TMEM30A: variants seen among roughly 807,000 people sequenced by gnomAD.
The protein encoded by TMEM30A is cell cycle control protein 50A.
In TMEM30A, 24 loss-of-function variants were observed where a neutral mutation model predicts 38.2. The observed-to-expected ratio is 0.63, with a 90% CI of 0.46 to 0.88. The LOEUF (loss-of-function observed/expected upper bound fraction) is 0.88, where lower values mean the gene tolerates loss of function less well. TMEM30A is among the 40% of genes least tolerant of loss of function. TMEM30A has a pLI of 0.00. For missense variants in TMEM30A, 370 were observed against 458.6 expected, an observed-to-expected ratio of 0.81 and a Z score of 1.77; for synonymous variants, 145 against 161.6, an observed-to-expected ratio of 0.90 and a Z score of 0.78.
Position 75,265,351 on chromosome 6 carries a change from A to G in TMEM30A, c.346-13T>C, listed in dbSNP as rs1772051000. On this transcript the variant is annotated splice_polypyrimidine_tract_variant and intron_variant, in intron 2 of 6. Coordinates refer to ENST00000230461, the MANE Select transcript of TMEM30A (RefSeq NM_018247.4). The stretch of plus-strand genomic sequence containing the variant: ...TAAACACGTTGCCCTAGAGAAACAG[A>G]GAGGGAAAAAATTTTCATATAAAAA... The G allele has an allele frequency of 6.6e-7, 1 of 1,507,908 alleles. No individual in the cohort carries two copies. The highest frequency in any genetic ancestry group is 9.0e-7 in the Non-Finnish European group (1 of 1,107,138). The allele number at this position is 1,507,908 out of a possible 1,614,324, so 93.4% of individuals were successfully genotyped here.
chr6:75,276,279 G>A (rs1437877298), intron 1 of TMEM30A, among the ~76,000 whole-genome samples: 1 of 152,180 alleles, frequency 6.6e-6, no homozygotes, highest in East Asian at 1.9e-4. Flanking sequence ...GTGTTTACCT[G>A]AGTTCTATGA....
At chr6:75,265,144 A>AATTTC in intron 3 of TMEM30A, 87 bp downstream of exon 3, 5 of 835,004 alleles carry the variant, frequency 6.0e-6, no homozygotes, top group Middle Eastern at 3.7e-4. Flanking sequence ...ACAACACTTT[A>AATTTC]ATTTCATCCT....
At chr6:75,267,362 T>C (rs1343992261) in intron 2 of TMEM30A, among the ~76,000 whole-genome samples, 1 of 152,184 alleles carries the variant, frequency 6.6e-6, no homozygotes, top group African/African-American at 2.4e-5. Flanking sequence ...AAAAAATTGA[T>C]TCGTACAGTC....
In TMEM30A at chr6:75,260,886, T is replaced by A; in HGVS notation, c.479A>T (p.Tyr160Phe). The change falls in exon 4 of 7, where the codon TAT becomes TTT. Residue 160 changes from tyrosine to phenylalanine, a missense_variant. Coordinates refer to ENST00000230461, the MANE Select transcript of TMEM30A (RefSeq NM_018247.4). The part of the protein sequence containing the change: ...LLNPSKECEP[Y>F]RRNEDKPIAP... ...AATTGGTTTGTCTTCATTTCTTCGA[T>A]AAGGTTCACATTCCTTACTGGGATT... The A allele has an allele frequency of 6.2e-7, 1 of 1,603,262 alleles. No individual in the cohort carries two copies. Among genetic ancestry groups the A allele is most frequent in the Non-Finnish European group, 8.5e-7 (1 of 1,177,728 alleles).
chr6:75,277,334 GAAT>G, intron 1 of TMEM30A, among the ~76,000 whole-genome samples: 1 of 145,720 alleles, frequency 6.9e-6, no homozygotes, highest in East Asian at 2.0e-4. Flanking sequence ...AAAATGGAGA[GAAT>G]AATGTTACCC....
At chr6:75,260,172 G>A (rs910457936) in intron 4 of TMEM30A, among the ~76,000 whole-genome samples, 2 of 152,112 alleles carry the variant, frequency 1.3e-5, no homozygotes. Flanking sequence ...TTGGGAGGCC[G>A]AAGTGGGCGG....
intron 4 of TMEM30A, among the ~76,000 whole-genome samples, chr6:75,260,432 AAGAC>A (rs993457148): frequency 6.6e-6 from 1 of 152,084 alleles, no homozygotes; most frequent in African/African-American, 2.4e-5. Flanking sequence ...AAAAAAAAAA[AAGAC>A]AGAAAATGTA....
Position 75,284,436 on chromosome 6 carries a change from A to C in TMEM30A, c.203T>G (p.Ile68Ser). ...GLIFIPIGIG[I>S]FVTSNNIREI... ...GCGGATGTTGTTGGAGGTGACAAAAATGCCAATGCCGATGGGAATGAAGAT... is the reference window on the plus strand; with the variant it reads ...GCGGATGTTGTTGGAGGTGACAAAACTGCCAATGCCGATGGGAATGAAGAT... The change falls in exon 1 of 7, where the codon ATT becomes AGT. Residue 68 changes from isoleucine (I) to serine (S), a missense_variant. Ile to Ser is a moderately radical substitution (Grantham distance 142). Coordinates refer to ENST00000230461, the MANE Select transcript of TMEM30A (RefSeq NM_018247.4). 3 of 1,614,146 alleles carry C rather than the reference A, an allele frequency of 1.9e-6. No individual in the cohort carries two copies. The highest frequency in any genetic ancestry group is 2.5e-6 in the Non-Finnish European group (3 of 1,180,016).
At chr6:75,262,239 T>C (rs1771977650) in intron 3 of TMEM30A, among the ~76,000 whole-genome samples, 2 of 151,148 alleles carry the variant, frequency 1.3e-5, no homozygotes, top group Admixed American at 1.3e-4. Flanking sequence ...CCCAACTACT[T>C]AGGAGGGTGA....
At position 75,284,484 on chromosome 6, in the gene TMEM30A, G is replaced by T. The variant is rs765052264; in HGVS notation, c.155C>A (p.Pro52His). ...QPILTAGTVL[P>H]IFFIIGLIFI... The stretch of plus-strand genomic sequence containing the variant: ...GATGAGACCGATGATGAAGAAAATA[G>T]GTAGCACCGTGCCAGCCGTAAGGAT... The change falls in exon 1 of 7, where the codon CCT becomes CAT. Residue 52 changes from proline to histidine, a missense_variant. By Grantham distance (77) the Pro-to-His change is moderately conservative. Transcript: ENST00000230461. 1 of 1,613,036 alleles carries T rather than the reference G, an allele frequency of 6.2e-7. No homozygotes were observed.
chr6:75,260,640 C>T (rs184858526), intron 4 of TMEM30A, among the ~76,000 whole-genome samples, 184 bp downstream of exon 4: 55 of 152,222 alleles, frequency 3.6e-4, no homozygotes, highest in African/African-American at 1.3e-3. Context: ...CAGAAATCCA[C>T]TCTAAAATGT....
intron 6 of TMEM30A, among the ~76,000 whole-genome samples, chr6:75,257,821 A>G (rs1771889154): frequency 6.6e-6 from 1 of 152,256 alleles, no homozygotes. Flanking sequence ...CATATGGATT[A>G]TGACTCATTT....
intron 1 of TMEM30A, among the ~76,000 whole-genome samples, chr6:75,270,351 T>C (rs778182638): frequency 7.9e-5 from 12 of 152,184 alleles, no homozygotes; most frequent in Non-Finnish European, 1.8e-4. Flanking sequence ...ATGAACTGAA[T>C]GTTTGTGTCC....
chr6:75,279,873 A>G (rs904129584), intron 1 of TMEM30A, among the ~76,000 whole-genome samples: 1 of 152,262 alleles, frequency 6.6e-6, no homozygotes, highest in Non-Finnish European at 1.5e-5. Flanking sequence ...AAAGGAAATC[A>G]ACATAAGACC....
chr6:75,254,933 A>T lies in TMEM30A; in HGVS notation c.*1169T>A, dbSNP rs1227658526. 1 of 152,522 alleles carries T rather than the reference A, an allele frequency of 6.6e-6. No homozygotes were observed. 9.4% of individuals were successfully genotyped at this position (152,522 alleles called of 1,614,324 possible). On this transcript the variant is annotated 3_prime_UTR_variant, in exon 7 of 7. Coordinates refer to ENST00000230461, the MANE Select transcript of TMEM30A (RefSeq NM_018247.4). ...ATAACTTCAACCATATACATATTATAATTTATCATGTACATACTCCAAAAT... is the reference window on the plus strand; with the variant it reads ...ATAACTTCAACCATATACATATTATTATTTATCATGTACATACTCCAAAAT...
chr6:75,283,865 C>T (rs180769909), intron 1 of TMEM30A, among the ~76,000 whole-genome samples: 130 of 152,310 alleles, frequency 8.5e-4, no homozygotes, highest in Non-Finnish European at 9.8e-4. Flanking sequence ...TGATAACATG[C>T]GACAGCTTCT....
intron 1 of TMEM30A, among the ~76,000 whole-genome samples, chr6:75,276,700 A>T (rs1479902071): frequency 6.6e-6 from 1 of 152,242 alleles, no homozygotes; most frequent in Non-Finnish European, 1.5e-5. Flanking sequence ...CTTTTTAAAC[A>T]TAAGTGAAAT....
chr6:75,260,819 C>A lies in TMEM30A; in HGVS notation c.541+5G>T. 1 of 1,560,048 alleles carries A rather than the reference C, an allele frequency of 6.4e-7. No homozygotes were observed. Among genetic ancestry groups the A allele is most frequent in the Non-Finnish European group, 8.7e-7 (1 of 1,153,724 alleles). ...TATATGTCTATATTTGTATCTATAT[C>A]ATACCATTAAACATGCTGTTGGCAA... is the stretch of plus-strand genomic sequence containing the variant. On this transcript the variant is annotated splice_donor_5th_base_variant and intron_variant, in intron 4 of 6. Transcript: ENST00000230461.
intron 1 of TMEM30A, among the ~76,000 whole-genome samples, chr6:75,271,989 G>A (rs116996087): frequency 0.019 from 2,867 of 152,286 alleles, 43 homozygotes; most frequent in Admixed American, 0.042. Flanking sequence ...GTGGCATATG[G>A]AGAAGACAGA....
Sources: allele counts gnomAD v4.1 joint callset (sites outside exome capture counted in the v4.1 genomes callset), GRCh38; gene constraint gnomAD v4.1.1; transcripts MANE v1.5; gene names NCBI Gene and HGNC (gene_info 2026-07-23, HGNC 2026-07-21).